Variants in GATA3 observed in about 807,000 individuals in gnomAD.
The protein encoded by GATA3 is trans-acting T-cell-specific transcription factor GATA-3.
Under a neutral mutation model 36.0 loss-of-function variants are expected in GATA3, and 6 were observed. The observed-to-expected ratio is 0.17, with a 90% CI of 0.09 to 0.33. GATA3 has a LOEUF of 0.33. Among genes scored for constraint, GATA3 ranks in the 10% least tolerant of loss-of-function variants. GATA3 has a pLI of 1.00. For synonymous variants in GATA3, 326 were observed against 273.0 expected (o/e 1.19, Z -1.92); for missense variants, 514 against 610.1 (o/e 0.84, Z 1.66).
rs773322691 is a variant in GATA3 at position 8,058,471 on chromosome 10, CTCG to C, written c.411_413del (p.Ser140del). The C allele has an allele frequency of 6.2e-7, 1 of 1,612,744 alleles. No homozygotes were observed. Among genetic ancestry groups the C allele is most frequent in the South Asian group, 1.1e-5 (1 of 91,042 alleles). ...GGCCCCTCTCCGTCTACCCCCCGGC[CTCG>C]TCCTCCTCCTTGTCGGGGGGCCACG... On this transcript the variant is annotated inframe_deletion, in exon 3 of 6. Coordinates refer to ENST00000379328, the MANE Select transcript of GATA3 (RefSeq NM_001002295.2).
At chr10:8,048,938 G>A (rs560460613), upstream of GATA3, among the ~76,000 whole-genome samples, 307 of 152,000 alleles carry the variant, frequency 2.0e-3, no homozygotes, top group Non-Finnish European at 3.4e-3. Context: ...AGTGGAGGCC[G>A]GGGCCGGGCT....
At chr10:8,046,981 G>A (rs1832397822) in intron 1 of GATA3, among the ~76,000 whole-genome samples, 1 of 152,198 alleles carries the variant, frequency 6.6e-6, no homozygotes, top group South Asian at 2.1e-4. Flanking sequence ...CTGCACAAGA[G>A]ATCTCTGCCA....
At chr10:8,061,712 T>G (rs1230719764) in intron 3 of GATA3, among the ~76,000 whole-genome samples, 1 of 152,210 alleles carries the variant, frequency 6.6e-6, no homozygotes, top group Non-Finnish European at 1.5e-5. Flanking sequence ...GAGGTAACCG[T>G]TGCTAGCTTT....
At position 8,074,273 on chromosome 10, in the gene GATA3, G is replaced by T. The variant is rs1832979761; in HGVS notation, c.*250G>T. 1 of 447,764 alleles carries T rather than the reference G, an allele frequency of 2.2e-6. No homozygotes were observed. The highest frequency in any genetic ancestry group is 3.8e-6 in the Non-Finnish European group (1 of 264,572). The allele number at this position is 447,764 out of a possible 1,614,324, so 27.7% of individuals were successfully genotyped here. A position where few individuals can be genotyped will look rare whatever the true frequency, so the allele number is the denominator to read the frequency against. ...TCCCCTATTTAACAGGGTCTCTAGT[G>T]CTGTGAAAAAAAAAATGCTGAACAT... On this transcript the variant is annotated 3_prime_UTR_variant, in exon 6 of 6. Coordinates refer to ENST00000379328, the MANE Select transcript of GATA3 (RefSeq NM_001002295.2).
At chr10:8,046,796 T>C (rs1041082889) in intron 1 of GATA3, among the ~76,000 whole-genome samples, 10 of 151,962 alleles carry the variant, frequency 6.6e-5, no homozygotes, top group East Asian at 1.9e-4. Flanking sequence ...CAAGACCCCA[T>C]TGGGTGTCGG....
At chr10:8,066,900 A>C (rs1832852446) in intron 4 of GATA3, among the ~76,000 whole-genome samples, 1 of 152,182 alleles carries the variant, frequency 6.6e-6, no homozygotes, top group Non-Finnish European at 1.5e-5. Context: ...AAAAGATTAC[A>C]TGCTGTACCT....
At chr10:8,046,779 T>C (rs1384278547) in intron 1 of GATA3, among the ~76,000 whole-genome samples, 1 of 151,978 alleles carries the variant, frequency 6.6e-6, no homozygotes, top group African/African-American at 2.4e-5. Context: ...GTGGTGTCAG[T>C]TCAGACCAAG....
At chr10:8,056,838 C>G (rs1237151321) in intron 2 of GATA3, among the ~76,000 whole-genome samples, 1 of 152,070 alleles carries the variant, frequency 6.6e-6, no homozygotes. Context: ...GAAAAAAGAT[C>G]GAACACTTTC....
At position 8,069,460 on chromosome 10, in the gene GATA3, TC is replaced by T. The variant is rs765727145; in HGVS notation, c.925-9del. ...TGTTTTGATTTCACCCTCTCCTCTCTCCCCACTCTCAGTCTGCAGCCAGGAG... is the reference window on the plus strand; with the variant it reads ...TGTTTTGATTTCACCCTCTCCTCTCTCCCACTCTCAGTCTGCAGCCAGGAG... On this transcript the variant is annotated splice_polypyrimidine_tract_variant and intron_variant, in intron 4 of 5. Coordinates refer to ENST00000379328, the MANE Select transcript of GATA3 (RefSeq NM_001002295.2). 21 of 1,613,028 alleles carry T rather than the reference TC, an allele frequency of 1.3e-5. No individual in the cohort carries two copies. In the East Asian group the frequency reaches 4.2e-4, roughly 33 times the overall value.
At chr10:8,071,124 C>A (rs1346738793) in intron 5 of GATA3, among the ~76,000 whole-genome samples, 1 of 152,160 alleles carries the variant, frequency 6.6e-6, no homozygotes, top group Non-Finnish European at 1.5e-5. Flanking sequence ...TACATTTGAG[C>A]CTGAGATAGT....
intron 4 of GATA3, among the ~76,000 whole-genome samples, chr10:8,065,323 T>C (rs1366667664): frequency 7.1e-6 from 1 of 141,130 alleles, no homozygotes; most frequent in Non-Finnish European, 1.5e-5. Context: ...AGTGGCACGA[T>C]CTCGGCTCAC....
Position 8,075,073 on chromosome 10 carries a change from C to T in GATA3, c.*1050C>T, listed in dbSNP as rs1025958714. 1.3e-5 allele frequency: 3 copies of T among 233,060 alleles called. No individual in the cohort carries two copies. Among genetic ancestry groups the T allele is most frequent in the African/African-American group, 2.2e-5 (1 of 45,342 alleles). The allele number at this position is 233,060 out of a possible 1,614,324, so 14.4% of individuals were successfully genotyped here. A position where few individuals can be genotyped will look rare whatever the true frequency, so the allele number is the denominator to read the frequency against. On this transcript the variant is annotated 3_prime_UTR_variant, in exon 6 of 6. Transcript: ENST00000379328. ...TCAGCGACCCTGGCCCGACAGGCCA[C>T]GTCCTGCAATCGGCCCGGCTGCCTC...
intron 5 of GATA3, 82 bp from the exon 6 acceptor site, chr10:8,073,657 C>A: frequency 6.8e-7 from 1 of 1,462,812 alleles, no homozygotes; most frequent in South Asian, 1.3e-5. Context: ...GTCAGTGGAA[C>A]CCTTCTTGGT....
rs180894066 is a variant in GATA3, at chr10:8,060,468, G to A, written c.778+1627G>A. On this transcript the variant is annotated intron_variant, in intron 3 of 5. Coordinates refer to ENST00000379328, the MANE Select transcript of GATA3 (RefSeq NM_001002295.2). ...GCAGCTTGACTCAGAAACACAGGCT[G>A]GGGAGCTGAATCGAAAGAGAGCAGA... Among the ~76,000 whole-genome samples the A allele has an allele frequency of 4.9e-4, 75 of 152,268 alleles. 1 individual carries two copies. In the East Asian group the frequency reaches 0.013, roughly 27 times the overall value.
At chr10:8,051,146 C>CCCG, upstream of GATA3, 1 of 424,906 alleles carries the variant, frequency 2.4e-6, no homozygotes, top group South Asian at 1.7e-5. Flanking sequence ...CTCTTCGCCC[C>CCCG]TGGGAGGGCG....
intron 2 of GATA3, 21 bp from the exon 3 acceptor site, chr10:8,058,284 C>G: frequency 1.2e-6 from 2 of 1,613,292 alleles, no homozygotes. Context: ...TCTCTCCTGC[C>G]CTTTCCCCGT....
chr10:8,065,710 T>G (rs1832826896), intron 4 of GATA3, among the ~76,000 whole-genome samples: 1 of 142,770 alleles, frequency 7.0e-6, no homozygotes, highest in Non-Finnish European at 1.5e-5. Context: ...GTTTTTTTTT[T>G]TTTTTTTTTT....
intron 2 of GATA3, among the ~76,000 whole-genome samples, chr10:8,057,944 T>G (rs1370388128): frequency 6.6e-6 from 1 of 152,140 alleles, no homozygotes; most frequent in Non-Finnish European, 1.5e-5. Flanking sequence ...AGTCAGGTTC[T>G]AGAGAGAGAC....
Position 8,054,690 on chromosome 10 carries a change from A to G in GATA3, c.-571A>G, listed in dbSNP as rs1234936252. The stretch of plus-strand genomic sequence containing the variant: ...TGCGTCGCGCCACAGCTGTCTGCGA[A>G]CACTGAGCTGCCTGGCGCCGTCTTG... On this transcript the variant is annotated 5_prime_UTR_variant, in exon 1 of 6. Coordinates refer to ENST00000379328, the MANE Select transcript of GATA3 (RefSeq NM_001002295.2). The surrounding 1 kb of genome is among the most constrained non-coding windows in gnomAD (Gnocchi z 4.2). The G allele has an allele frequency of 6.6e-6, 1 of 151,840 alleles. No individual in the cohort carries two copies. Among genetic ancestry groups the G allele is most frequent in the Non-Finnish European group, 1.5e-5 (1 of 67,950 alleles). The allele number at this position is 151,840 out of a possible 1,614,324, so 9.4% of individuals were successfully genotyped here.
Sources: allele counts gnomAD v4.1 joint callset (sites outside exome capture counted in the v4.1 genomes callset), GRCh38; gene constraint gnomAD v4.1.1; non-coding constraint Gnocchi (gnomAD v3.1); transcripts MANE v1.5; gene names NCBI Gene and HGNC (gene_info 2026-07-23, HGNC 2026-07-21).